SEC24C: variants seen among roughly 807,000 people sequenced by gnomAD.
SEC24C encodes protein transport protein Sec24C.
SEC24C carries 22 observed loss-of-function variants against 117.0 expected under a neutral mutation model. The observed-to-expected ratio is 0.19, with a 90% confidence interval of 0.13 to 0.27. The LOEUF is 0.27. SEC24C is among the 10% of genes least tolerant of loss of function. The probability of loss-of-function intolerance (pLI) is 1.00; values close to 1 mark genes in which losing one functional copy is unlikely to be tolerated. For synonymous variants in SEC24C, 506 were observed against 529.4 expected, an observed-to-expected ratio of 0.96 and a Z score of 0.61; for missense variants, 1,155 against 1,375.1, an observed-to-expected ratio of 0.84 and a Z score of 2.53.
chr10:73,763,666 G>GTTTTTTTTT (rs1565044336), intron 7 of SEC24C, 65 bp downstream of exon 7: 5 of 212,912 alleles, frequency 2.3e-5, no homozygotes, highest in Non-Finnish European at 2.5e-5. Flanking sequence ...TATGGTTGGG[G>GTTTTTTTTT]CTTTTTTTTT....
Position 73,770,338 on chromosome 10 carries a change from G to A in SEC24C, c.2921G>A (p.Arg974His), listed in dbSNP as rs777676193. 2.5e-6 allele frequency: 4 copies of A among 1,613,960 alleles called. No individual in the cohort carries two copies. Among genetic ancestry groups the A allele is most frequent in the African/African-American group, 2.7e-5 (2 of 74,976 alleles). ...CCAGCAGTTCGAGCCTCTGAAGAGC[G>A]TCTAAGCAATGGGGATATATATTTA... ...EPPAVRASEE[R>H]LSNGDIYLLE... is the part of the protein sequence containing the mutation. Residue 974 changes from arginine (R) to histidine (H), a missense_variant, in exon 21 of 23, where the codon CGT becomes CAT. By Grantham distance (29) the Arg-to-His change is conservative (BLOSUM62 0). Coordinates refer to ENST00000345254, the MANE Select transcript of SEC24C (RefSeq NM_198597.3).
At chr10:73,762,218 C>A in intron 6 of SEC24C, 1 of 1,189,622 alleles carries the variant, frequency 8.4e-7, no homozygotes, top group Non-Finnish European at 1.1e-6. Context: ...TTAGTGCCAT[C>A]CATGCATGCC....
rs779130794 is a variant in SEC24C at position 73,765,808 on chromosome 10, C to G, written c.1375C>G (p.Gln459Glu). The G allele has an allele frequency of 1.5e-5, 24 of 1,613,588 alleles. No homozygotes were observed. Among genetic ancestry groups the G allele is most frequent in the African/African-American group, 2.7e-5 (2 of 74,904 alleles). The change falls in exon 10 of 23, where the codon CAG (glutamine) becomes GAG (glutamate). Residue 459 changes from glutamine (Q) to glutamate (E), a missense_variant. Physicochemically the swap from Gln to Glu is conservative, Grantham distance 29. This residue lies in a region of SEC24C where 759 missense variants were observed against 992.3 expected (regional missense o/e 0.76). Coordinates refer to ENST00000345254, the MANE Select transcript of SEC24C (RefSeq NM_198597.3). ...FCSCINDVPP[Q>E]YFQHLDHTGK... is the part of the protein sequence containing the mutation. ...TGCCATGCTTCCCACAGTTCCCCCC[C>G]AGTATTTTCAGCACCTGGATCATAC...
intron 3 of SEC24C, among the ~76,000 whole-genome samples, 158 bp downstream of exon 3, chr10:73,751,401 C>T (rs2082640533): frequency 6.6e-6 from 1 of 152,044 alleles, no homozygotes. Flanking sequence ...TCTCTTTTCT[C>T]AAATAAAAAA....
Position 73,760,270 on chromosome 10 carries a change from A to C in SEC24C, c.734A>C (p.Asn245Thr). The C allele has an allele frequency of 6.2e-7, 1 of 1,613,928 alleles. No individual in the cohort carries two copies. Among genetic ancestry groups the C allele is most frequent in the Non-Finnish European group, 8.5e-7 (1 of 1,179,968 alleles). The change falls in exon 5 of 23, where the codon AAC becomes ACC. Residue 245 changes from asparagine to threonine, a missense_variant. By Grantham distance (65) the Asn-to-Thr change is moderately conservative. Transcript: ENST00000345254. ...GGAGGGCCCTCAGTGAGCCAGCCCA[A>C]CCATGTGTCTTCACCTCCTCAAGCT... ...SFGGPSVSQP[N>T]HVSSPPQALP...
Position 73,746,849 on chromosome 10 carries a change from C to T in SEC24C, c.17C>T (p.Ser6Leu), listed in dbSNP as rs954632108. ...GCTTTCATAATGAACGTCAACCAGTCAGTTCCACCTGTGCCACCATTTGGG... is the reference window on the plus strand; with the variant it reads ...GCTTTCATAATGAACGTCAACCAGTTAGTTCCACCTGTGCCACCATTTGGG... MNVNQ[S>L]VPPVPPFGQP... Residue 6 changes from serine to leucine, a missense_variant, in exon 2 of 23, where the codon TCA becomes TTA. Coordinates refer to ENST00000345254, the MANE Select transcript of SEC24C (RefSeq NM_198597.3). The T allele has an allele frequency of 6.2e-7, 1 of 1,609,078 alleles. No homozygotes were observed. Among genetic ancestry groups the T allele is most frequent in the Admixed American group, 1.7e-5 (1 of 59,260 alleles).
intron 14 of SEC24C, 50 bp downstream of exon 14, chr10:73,767,220 A>T (rs753868718): frequency 8.2e-7 from 1 of 1,221,960 alleles, no homozygotes; most frequent in Admixed American, 1.7e-5. Context: ...TTACAGAGGA[A>T]GTGGGGACTC....
In SEC24C at chr10:73,763,474, T is replaced by G; in HGVS notation, c.988-16T>G. The G allele has an allele frequency of 6.5e-7, 1 of 1,531,752 alleles. No homozygotes were observed. Among genetic ancestry groups the G allele is most frequent in the Non-Finnish European group, 9.0e-7 (1 of 1,106,190 alleles). 94.9% of individuals were successfully genotyped at this position (1,531,752 alleles called of 1,614,324 possible). A position where few individuals can be genotyped will look rare whatever the true frequency, so the allele number is the denominator to read the frequency against. ...CCTTTTTCTTCTGTCACCTCATTCA[T>G]TGCACTTCTCTGCAGATTCAGGTCA... On this transcript the variant is annotated splice_polypyrimidine_tract_variant and intron_variant, in intron 6 of 22. Transcript: ENST00000345254.
chr10:73,755,855 CTT>C (rs977005770), intron 3 of SEC24C, among the ~76,000 whole-genome samples: 2 of 143,150 alleles, frequency 1.4e-5, no homozygotes, highest in African/African-American at 2.6e-5. Flanking sequence ...GACTGAAAAT[CTT>C]TTTTTTTTTT....
intron 1 of SEC24C, among the ~76,000 whole-genome samples, chr10:73,745,218 A>G (rs2082528204): frequency 6.6e-6 from 1 of 152,090 alleles, no homozygotes; most frequent in East Asian, 1.9e-4. Context: ...AGTAGATGTG[A>G]TGAGATAGTT....
chr10:73,770,154 A>T (rs2082951882), intron 20 of SEC24C, 126 bp from the exon 21 acceptor site: 2 of 1,233,036 alleles, frequency 1.6e-6, no homozygotes, highest in Admixed American at 2.1e-5. Context: ...TCACACTGAG[A>T]GAGTTACTGA....
chr10:73,771,863 C>G lies in SEC24C; in HGVS notation c.*768C>G, dbSNP rs1436746670. On this transcript the variant is annotated 3_prime_UTR_variant, in exon 23 of 23. Coordinates refer to ENST00000345254, the MANE Select transcript of SEC24C (RefSeq NM_198597.3). ...GAGCCAGTTCACATCCCACTCTGAGCTCCCACGAGAAACACTGCTTCTCCA... is the reference window on the plus strand; with the variant it reads ...GAGCCAGTTCACATCCCACTCTGAGGTCCCACGAGAAACACTGCTTCTCCA... 1 of 157,740 alleles carries G rather than the reference C, an allele frequency of 6.3e-6. No homozygotes were observed. The highest frequency in any genetic ancestry group is 2.4e-5 in the African/African-American group (1 of 41,668). The allele number at this position is 157,740 out of a possible 1,614,324, so 9.8% of individuals were successfully genotyped here. A position where few individuals can be genotyped will look rare whatever the true frequency, so the allele number is the denominator to read the frequency against.
chr10:73,766,903 C>A, intron 13 of SEC24C, 50 bp downstream of exon 13: 1 of 1,534,320 alleles, frequency 6.5e-7, no homozygotes, highest in Non-Finnish European at 9.0e-7. Context: ...TTCCTCTGAC[C>A]ATCTTATCCC....
intron 3 of SEC24C, chr10:73,751,729 G>A (rs902459595): frequency 6.6e-6 from 1 of 152,094 alleles, no homozygotes; most frequent in African/African-American, 2.4e-5. Flanking sequence ...TACAGGTACT[G>A]CTGACGTCCA....
chr10:73,759,265 C>T (rs549003469), intron 3 of SEC24C, among the ~76,000 whole-genome samples: 7 of 151,846 alleles, frequency 4.6e-5, no homozygotes, highest in Non-Finnish European at 1.0e-4. Context: ...TTCATGCATG[C>T]TTATGCGTGC....
At chr10:73,764,312 CAGG>C (rs2082846365) in intron 8 of SEC24C, among the ~76,000 whole-genome samples, 2 of 152,006 alleles carry the variant, frequency 1.3e-5, no homozygotes, top group Admixed American at 1.3e-4. Flanking sequence ...ATCACGAGGA[CAGG>C]AGATCAAGAC....
At position 73,766,422 on chromosome 10, in the gene SEC24C, T is replaced by G. The variant is rs1420950338; in HGVS notation, c.1680T>G (p.Asn560Lys). The change falls in exon 12 of 23, where the codon AAT (asparagine) becomes AAG (lysine). Residue 560 changes from asparagine to lysine, a missense_variant. Coordinates refer to ENST00000345254, the MANE Select transcript of SEC24C (RefSeq NM_198597.3). ...ACAATAAGGTGCTCCACTTCTATAA[T>G]GTGAAGAGCTCATTGGCCCAGCCAC... The part of the protein sequence containing the change: ...VTYNKVLHFY[N>K]VKSSLAQPQM... 2 of 1,614,174 alleles carry G rather than the reference T, an allele frequency of 1.2e-6. No individual in the cohort carries two copies. The highest frequency in any genetic ancestry group is 1.7e-5 in the Admixed American group (1 of 60,014).
In SEC24C at chr10:73,769,239, G is replaced by C. The variant is rs772263309; in HGVS notation, c.2424+87G>C. On this transcript the variant is annotated intron_variant, in intron 17 of 22. Transcript: ENST00000345254. This position sits in a 1 kb window ranked among gnomAD's most constrained non-coding sequence, Gnocchi z 4.5. ...GAGGAATGGGTAGAGAGCACTAAAAGAAGAGACAGGGCACGGGAGTGGCTC... is the reference window on the plus strand; with the variant it reads ...GAGGAATGGGTAGAGAGCACTAAAACAAGAGACAGGGCACGGGAGTGGCTC... 1.3e-5 allele frequency: 20 copies of C among 1,588,494 alleles called. No homozygotes were observed. The highest frequency in any genetic ancestry group is 1.5e-5 in the Non-Finnish European group (18 of 1,166,060).
chr10:73,766,377 C>T lies in SEC24C; in HGVS notation c.1635C>T (p.Ile545=). 1 of 1,609,702 alleles carries T rather than the reference C, an allele frequency of 6.2e-7. No individual in the cohort carries two copies. Among genetic ancestry groups the T allele is most frequent in the Non-Finnish European group, 8.5e-7 (1 of 1,177,080 alleles). Residue 545 remains isoleucine (I), a synonymous_variant, in exon 12 of 23, where the codon ATC becomes ATT. Coordinates refer to ENST00000345254, the MANE Select transcript of SEC24C (RefSeq NM_198597.3). The part of the protein sequence containing the change: ...PREGGAEESA[I]RVGFVTYNKV... ...AGGGTGGGGCAGAAGAGTCAGCAAT[C>T]CGCGTTGGCTTTGTCACCTACAATA...
Sources: gnomAD v4.1 joint callset for allele counts (sites outside exome capture counted in the v4.1 genomes callset) on GRCh38, gnomAD v4.1.1 for gene constraint, gnomAD v4.1.1 regional missense constraint, Gnocchi (gnomAD v3.1) non-coding constraint, MANE v1.5 for transcripts, NCBI Gene and HGNC (gene_info 2026-07-23, HGNC 2026-07-21) for gene names.